The following IL1RAPL2 variants were observed in gnomAD, a reference collection of about 807,000 sequenced individuals.
The protein encoded by IL1RAPL2 is interleukin 1 receptor accessory protein like 2, also known as X-linked interleukin-1 receptor accessory protein-like 2.
IL1RAPL2 carries 3 observed loss-of-function variants against 44.1 expected under a neutral mutation model. That is an observed-to-expected ratio of 0.07 (90% CI 0.03 to 0.18). The LOEUF (loss-of-function observed/expected upper bound fraction) is 0.18. Ranked by LOEUF, IL1RAPL2 falls within the 10% of genes least tolerant of loss-of-function variation. The pLI is 1.00. For synonymous variants in IL1RAPL2, 181 were observed against 178.8 expected, an observed-to-expected ratio of 1.01 and a Z score of -0.10; for missense variants, 391 against 496.4, an observed-to-expected ratio of 0.79 and a Z score of 2.02.
At chrX:105,375,097 C>T (rs1047350059) in intron 5 of IL1RAPL2, among the ~76,000 whole-genome samples, 1 of 110,858 alleles carries the variant, frequency 9.0e-6, no homozygotes, top group Admixed American at 9.7e-5. Flanking sequence ...AACTTCCTCT[C>T]TTCCTATTTG....
intron 5 of IL1RAPL2, among the ~76,000 whole-genome samples, chrX:105,312,835 A>G (rs1413340823): frequency 9.0e-6 from 1 of 111,560 alleles, no homozygotes; most frequent in East Asian, 2.8e-4. Context: ...TGTACATGAT[A>G]GATATATATA....
intron 2 of IL1RAPL2, among the ~76,000 whole-genome samples, chrX:104,714,536 A>C (rs1175061837): frequency 9.0e-6 from 1 of 110,753 alleles, no homozygotes; most frequent in Non-Finnish European, 1.9e-5. Flanking sequence ...TGTGATTGTA[A>C]GTTTCTTGAG....
At chrX:104,812,991 C>T (rs1032848528) in intron 2 of IL1RAPL2, among the ~76,000 whole-genome samples, 8 of 112,025 alleles carry the variant, frequency 7.1e-5, no homozygotes, top group African/African-American at 2.6e-4. Context: ...GAGCAAGGCC[C>T]ATGTTCTCTT....
rs141842524 is a variant in IL1RAPL2 at position 104,811,360 on chromosome X, C to G, written c.82+152365C>G. On this transcript the variant is annotated intron_variant, in intron 2 of 10. Transcript: ENST00000372582. ...AATAATTGCAGTGCTTTGGTGATTA[C>G]GGAAGCCAGAGGATAAGAGATTAAG... Among the ~76,000 whole-genome samples, 423 of 111,462 alleles carry G rather than the reference C, an allele frequency of 3.8e-3. 1 individual carries two copies. Among genetic ancestry groups the G allele is most frequent in the African/African-American group, 0.012 (382 of 30,758 alleles).
At chrX:104,712,182 T>C in intron 2 of IL1RAPL2, among the ~76,000 whole-genome samples, 1 of 107,071 alleles carries the variant, frequency 9.3e-6, no homozygotes, top group African/African-American at 3.3e-5. Flanking sequence ...TCATTAACTG[T>C]TTGATTGTTC....
chrX:105,302,739 C>T (rs1021744812), intron 5 of IL1RAPL2, among the ~76,000 whole-genome samples: 5 of 112,035 alleles, frequency 4.5e-5, no homozygotes, highest in Admixed American at 3.8e-4. Flanking sequence ...CTCCCTTGGG[C>T]GCTCTCACTA....
chrX:104,731,055 A>G (rs752588605), intron 2 of IL1RAPL2, among the ~76,000 whole-genome samples: 2 of 111,105 alleles, frequency 1.8e-5, no homozygotes, highest in East Asian at 5.7e-4. Context: ...CCTTTGCCCA[A>G]TTTTTGATGG....
At position 105,444,655 on chromosome X, in the gene IL1RAPL2, T is replaced by A. The variant is rs1463508196; in HGVS notation, c.698-39658T>A. Among the ~76,000 whole-genome samples, 3 of 111,288 alleles carry A rather than the reference T, an allele frequency of 2.7e-5. 1 individual carries two copies. Among genetic ancestry groups the A allele is most frequent in the Admixed American group, 1.9e-4 (2 of 10,413 alleles). ...GTTTTATTTATATGTATTTATTTTT[T>A]AATTTTAAGTTACAGGATACAAGTG... On this transcript the variant is annotated intron_variant, in intron 5 of 10. Transcript: ENST00000372582.
chrX:104,738,099 A>T (rs1932046417), intron 2 of IL1RAPL2, among the ~76,000 whole-genome samples: 1 of 112,283 alleles, frequency 8.9e-6, no homozygotes, highest in Non-Finnish European at 1.9e-5. Flanking sequence ...ACATATATTT[A>T]TCTAATGCTT....
intron 2 of IL1RAPL2, among the ~76,000 whole-genome samples, chrX:105,190,936 G>A (rs2147610088): frequency 8.9e-6 from 1 of 112,096 alleles, no homozygotes; most frequent in Non-Finnish European, 1.9e-5. Flanking sequence ...GAGGCCAAAT[G>A]AGTTTGCTTG....
At chrX:104,763,915 C>CTATG (rs961121074) in intron 2 of IL1RAPL2, among the ~76,000 whole-genome samples, 8 of 111,508 alleles carry the variant, frequency 7.2e-5, no homozygotes, top group Non-Finnish European at 1.5e-4. Flanking sequence ...TTCCATTGGT[C>CTATG]TATGTATGTA....
chrX:105,086,641 A>G (rs929290720), intron 2 of IL1RAPL2, among the ~76,000 whole-genome samples: 2 of 110,594 alleles, frequency 1.8e-5, no homozygotes, highest in African/African-American at 6.6e-5. Context: ...ACAAAAAGTG[A>G]TAAGTATTTG....
chrX:105,600,573 T>G (rs1317724788), intron 6 of IL1RAPL2, among the ~76,000 whole-genome samples: 1 of 108,828 alleles, frequency 9.2e-6, no homozygotes, highest in African/African-American at 3.3e-5. Context: ...TTAATCATTT[T>G]TATAAATAAA....
chrX:105,337,714 AC>A (rs2035038973), intron 5 of IL1RAPL2, among the ~76,000 whole-genome samples: 1 of 111,568 alleles, frequency 9.0e-6, no homozygotes, highest in Non-Finnish European at 1.9e-5. Context: ...ACATGGTGAA[AC>A]CCTGTCTCTA....
At chrX:104,813,043 T>A (rs1476959725) in intron 2 of IL1RAPL2, among the ~76,000 whole-genome samples, 1 of 112,345 alleles carries the variant, frequency 8.9e-6, no homozygotes, top group East Asian at 2.8e-4. Flanking sequence ...TTGGTGATAT[T>A]CTATTAGCGA....
At position 104,952,463 on chromosome X, in the gene IL1RAPL2, C is replaced by G. The variant is rs150468267; in HGVS notation, c.83-243012C>G. ...ATGCAGTCAAATGTGTAATGAATCA[C>G]AAGAACACAACATGATTTATTTTAA... On this transcript the variant is annotated intron_variant, in intron 2 of 10. Coordinates refer to ENST00000372582, the MANE Select transcript of IL1RAPL2 (RefSeq NM_017416.2). Among the ~76,000 whole-genome samples the G allele has an allele frequency of 3.5e-3, 394 of 111,931 alleles. 1 individual carries two copies. The highest frequency in any genetic ancestry group is 0.012 in the African/African-American group (380 of 30,850).
At chrX:104,971,585 A>AAAT (rs2030237894) in intron 2 of IL1RAPL2, among the ~76,000 whole-genome samples, 1 of 111,081 alleles carries the variant, frequency 9.0e-6, no homozygotes, top group Non-Finnish European at 1.9e-5. Context: ...TTCAGCTTGT[A>AAAT]AATAATCCAA....
intron 1 of IL1RAPL2, among the ~76,000 whole-genome samples, chrX:104,625,592 G>C (rs1929489210): frequency 9.0e-6 from 1 of 110,940 alleles, no homozygotes; most frequent in African/African-American, 3.3e-5. Context: ...TCTGTGTCAG[G>C]CTCAGAAGAA....
chrX:105,287,354 A>G (rs987675003), intron 5 of IL1RAPL2, among the ~76,000 whole-genome samples: 2 of 111,662 alleles, frequency 1.8e-5, no homozygotes, highest in African/African-American at 3.3e-5. Context: ...AATAAGGCCA[A>G]CTACAGCTGG....
Sources: allele counts gnomAD v4.1 joint callset (sites outside exome capture counted in the v4.1 genomes callset), GRCh38; gene constraint gnomAD v4.1.1; transcripts MANE v1.5; gene names NCBI Gene and HGNC (gene_info 2026-07-23, HGNC 2026-07-21).